Variants in EYS observed in about 807,000 individuals in gnomAD.
EYS encodes the protein protein eyes shut homolog.
In EYS, 250 loss-of-function variants were observed where a neutral mutation model predicts 282.1. The observed-to-expected ratio is 0.89, with a 90% CI of 0.80 to 0.98. EYS has a LOEUF of 0.98. Ranked by LOEUF, EYS falls within the 50% of genes least tolerant of loss-of-function variation. EYS has a pLI of 0.00. For missense variants in EYS, 4,016 were observed against 3,709.0 expected (o/e 1.08, Z -2.15); for synonymous variants, 1,355 against 1,282.9 (o/e 1.06, Z -1.20).
intron 11 of EYS, among the ~76,000 whole-genome samples, chr6:65,313,329 A>G (rs1769211104): frequency 6.6e-6 from 1 of 151,654 alleles, no homozygotes; most frequent in African/African-American, 2.4e-5. Context: ...GAGGGTTTAG[A>G]GTAAAGAAGT....
intron 12 of EYS, among the ~76,000 whole-genome samples, chr6:65,089,181 T>A (rs542479495): frequency 6.6e-6 from 1 of 152,254 alleles, no homozygotes; most frequent in East Asian, 1.9e-4. Context: ...CACTGCCTAG[T>A]GGACTTGTGA....
At chr6:63,906,732 T>A (rs1773788334) in intron 35 of EYS, among the ~76,000 whole-genome samples, 1 of 152,214 alleles carries the variant, frequency 6.6e-6, no homozygotes, top group Admixed American at 6.5e-5. Flanking sequence ...AAAATCAGCT[T>A]CTATCTGTTT....
In EYS at chr6:65,296,073, CA is replaced by C. The variant is rs1216698566; in HGVS notation, c.1812del (p.Asn604LysfsTer6). On this transcript the variant is annotated frameshift_variant, in exon 12 of 43. Transcript: ENST00000503581. LOFTEE classifies it high-confidence loss of function. ...LSYIGRLCVV[N>X]VDYCLGNHSI... The stretch of plus-strand genomic sequence containing the variant: ...CTGTGGTTCCCTAAGCAATAGTCAA[CA>C]TTGACAACACACAATCTGCCAATGT... 2.6e-6 allele frequency: 4 copies of C among 1,550,546 alleles called. No homozygotes were observed. The highest frequency in any genetic ancestry group is 3.5e-6 in the Non-Finnish European group (4 of 1,146,292).
At chr6:64,686,819 A>ATATGTG (rs1562133895) in intron 22 of EYS, among the ~76,000 whole-genome samples, 1 of 45,076 alleles carries the variant, frequency 2.2e-5, no homozygotes, top group Non-Finnish European at 5.1e-5. Context: ...GTATATATAT[A>ATATGTG]TGTGTATATA....
At chr6:63,832,594 A>T (rs1008616354) in intron 36 of EYS, among the ~76,000 whole-genome samples, 1 of 152,198 alleles carries the variant, frequency 6.6e-6, no homozygotes, top group Admixed American at 6.5e-5. Context: ...AACCCAAAAA[A>T]GTCCAGGACC....
At chr6:65,230,065 T>C (rs1044060418) in intron 12 of EYS, among the ~76,000 whole-genome samples, 8 of 151,868 alleles carry the variant, frequency 5.3e-5, no homozygotes, top group Non-Finnish European at 8.8e-5. Flanking sequence ...CAATGAACTA[T>C]GAAAAGTGAA....
chr6:65,044,139 G>A (rs1773027276), intron 13 of EYS, among the ~76,000 whole-genome samples: 1 of 151,682 alleles, frequency 6.6e-6, no homozygotes, highest in South Asian at 2.1e-4. Flanking sequence ...CTCATGCTTA[G>A]TGATACTGAG....
intron 30 of EYS, among the ~76,000 whole-genome samples, chr6:64,304,198 C>T (rs1336886900): frequency 6.6e-6 from 1 of 152,126 alleles, no homozygotes; most frequent in African/African-American, 2.4e-5. Flanking sequence ...ATATCTGTGT[C>T]CCTGTACATC....
At chr6:64,950,754 C>A (rs1583323315) in intron 14 of EYS, among the ~76,000 whole-genome samples, 1 of 118,256 alleles carries the variant, frequency 8.5e-6, no homozygotes, top group Admixed American at 8.8e-5. Flanking sequence ...TTATCAAAAA[C>A]AAATGTAGAA....
chr6:64,685,896 C>T (rs977327600), intron 22 of EYS, among the ~76,000 whole-genome samples: 2 of 151,876 alleles, frequency 1.3e-5, no homozygotes, highest in African/African-American at 2.4e-5. Context: ...ACATGCTGGG[C>T]TACAGAATAT....
intron 2 of EYS, among the ~76,000 whole-genome samples, chr6:65,566,969 T>C (rs1476546579): frequency 6.6e-6 from 1 of 152,090 alleles, no homozygotes; most frequent in Admixed American, 6.6e-5. Flanking sequence ...TCCCCCCAGA[T>C]TTCATGTGTT....
intron 21 of EYS, among the ~76,000 whole-genome samples, 188 bp downstream of exon 21, chr6:64,821,457 G>A (rs1047795853): frequency 6.6e-5 from 10 of 151,652 alleles, no homozygotes; most frequent in African/African-American, 4.8e-5. Context: ...AGAAAAGGTG[G>A]GGGAAAAAAA....
At chr6:65,646,745 G>T (rs938922590) in intron 1 of EYS, among the ~76,000 whole-genome samples, 12 of 152,064 alleles carry the variant, frequency 7.9e-5, no homozygotes, top group Non-Finnish European at 1.6e-4. Flanking sequence ...ACTGTCTGCT[G>T]ATATGATCGT....
chr6:65,425,131 A>T (rs1161095136), intron 5 of EYS, among the ~76,000 whole-genome samples: 4 of 152,128 alleles, frequency 2.6e-5, no homozygotes, highest in Non-Finnish European at 5.9e-5. Context: ...TACAAAGGTA[A>T]TGTTGAATAT....
intron 12 of EYS, among the ~76,000 whole-genome samples, chr6:65,064,578 T>C (rs1040351832): frequency 2.0e-5 from 3 of 148,640 alleles, no homozygotes; most frequent in African/African-American, 4.9e-5. Flanking sequence ...ATATATATAC[T>C]ATAAAAGTTA....
intron 28 of EYS, among the ~76,000 whole-genome samples, chr6:64,394,301 CA>C (rs1773277926): frequency 6.6e-6 from 1 of 151,908 alleles, no homozygotes; most frequent in Non-Finnish European, 1.5e-5. Context: ...CATATGGAAC[CA>C]AAAAAGAGCC....
At chr6:64,895,426 T>A (rs953068229) in intron 18 of EYS, among the ~76,000 whole-genome samples, 8 of 152,216 alleles carry the variant, frequency 5.3e-5, no homozygotes, top group African/African-American at 1.9e-4. Flanking sequence ...ACCCATTCAA[T>A]GAAATTCCAA....
intron 8 of EYS, among the ~76,000 whole-genome samples, chr6:65,354,536 C>T (rs966555216): frequency 8.6e-5 from 13 of 151,944 alleles, no homozygotes; most frequent in East Asian, 1.9e-4. Context: ...AAAAAATTGG[C>T]GAGGCGTGGT....
chr6:64,764,841 T>G (rs1265511413), intron 22 of EYS, among the ~76,000 whole-genome samples: 3 of 152,076 alleles, frequency 2.0e-5, no homozygotes. Context: ...TGGGTTCAAG[T>G]GATTCTCCTG....
Sources: gnomAD v4.1 joint callset for allele counts (sites outside exome capture counted in the v4.1 genomes callset) on GRCh38, gnomAD v4.1.1 for gene constraint, MANE v1.5 for transcripts, NCBI Gene and HGNC (gene_info 2026-07-23, HGNC 2026-07-21) for gene names.